PNO1: variants seen among roughly 807,000 people sequenced by gnomAD.
PNO1 encodes the protein RNA-binding protein PNO1.
Under a neutral mutation model 28.4 loss-of-function variants are expected in PNO1, and 16 were observed. The observed-to-expected ratio is 0.56, with a 90% CI of 0.38 to 0.85. The LOEUF is 0.85. PNO1 is among the 40% of genes least tolerant of loss of function. The probability of loss-of-function intolerance (pLI) is 0.00; values close to 1 mark genes in which losing one functional copy is unlikely to be tolerated. For missense variants in PNO1, 304 were observed against 312.2 expected (o/e 0.97, Z 0.20); for synonymous variants, 115 against 110.8 (o/e 1.04, Z -0.24).
At chr2:68,161,460 C>G in intron 2 of PNO1, 1 of 527,900 alleles carries the variant, frequency 1.9e-6, no homozygotes, top group Non-Finnish European at 3.5e-6. Context: ...TTATTTGACA[C>G]TCTTTGGGTG....
chr2:68,162,805 AATTGAAAAT>A (rs1673871116), intron 5 of PNO1, 142 bp downstream of exon 5: 1 of 663,186 alleles, frequency 1.5e-6, no homozygotes, highest in Admixed American at 2.5e-5. Context: ...ATCCATCATA[AATTGAAAAT>A]ATCATAAGTC....
In PNO1 at chr2:68,162,334, G is replaced by A; in HGVS notation, c.502+9G>A. 2 of 1,598,204 alleles carry A rather than the reference G, an allele frequency of 1.3e-6. No individual in the cohort carries two copies. Among genetic ancestry groups the A allele is most frequent in the South Asian group, 2.2e-5 (2 of 89,656 alleles). On this transcript the variant is annotated intron_variant, in intron 4 of 6. Coordinates refer to ENST00000263657, the MANE Select transcript of PNO1 (RefSeq NM_020143.4). ...TTTTGAAATTACAGATGGTGAGTGT[G>A]TGTTGGTCTGCGCTCTTGTGTCGCT...
intron 4 of PNO1, 59 bp downstream of exon 4, chr2:68,162,384 C>T (rs368721087): frequency 1.0e-4 from 133 of 1,322,820 alleles, no homozygotes; most frequent in Non-Finnish European, 1.4e-4. Context: ...ATGTGACTCT[C>T]AGTTTTCTAA....
chr2:68,164,207 T>C (rs1420935378), intron 5 of PNO1, among the ~76,000 whole-genome samples: 1 of 152,186 alleles, frequency 6.6e-6, no homozygotes, highest in South Asian at 2.1e-4. Flanking sequence ...TTTAAAAATA[T>C]GGCCAAGCAT....
Position 68,162,541 on chromosome 2 carries a change from T to G in PNO1, c.503-5T>G, listed in dbSNP as rs769155887. The G allele has an allele frequency of 6.3e-7, 1 of 1,597,876 alleles. No homozygotes were observed. The highest frequency in any genetic ancestry group is 1.1e-5 in the South Asian group (1 of 90,080). ...GCCTCCTGAGATCTTGCTTTTCTTG[T>G]TTAGTTAAACCCCTAAAGGGAGACC... On this transcript the variant is annotated splice_region_variant and splice_polypyrimidine_tract_variant and intron_variant, in intron 4 of 6. Transcript: ENST00000263657.
In PNO1 at chr2:68,158,125, G is replaced by A. The variant is rs776709849; in HGVS notation, c.191G>A (p.Cys64Tyr). ...PAKRPVFPPL[C>Y]GDGLLSGKEE... ...AAGAGGCCCGTCTTCCCACCCCTCT[G>A]TGGGGACGGGCTCCTGGTATGTGGC... Residue 64 changes from cysteine to tyrosine, a missense_variant, in exon 1 of 7, where the codon TGT (cysteine) becomes TAT (tyrosine). Physicochemically the swap from Cys to Tyr is radical, Grantham distance 194. Coordinates refer to ENST00000263657, the MANE Select transcript of PNO1 (RefSeq NM_020143.4). 7.5e-6 allele frequency: 12 copies of A among 1,602,808 alleles called. No individual in the cohort carries two copies. The African/African-American group carries it at 1.6e-4, about 21-fold the overall frequency.
chr2:68,164,219 G>T (rs1673915953), intron 5 of PNO1, among the ~76,000 whole-genome samples: 1 of 152,238 alleles, frequency 6.6e-6, no homozygotes, highest in Non-Finnish European at 1.5e-5. Flanking sequence ...GCCAAGCATG[G>T]TGGCTCACAT....
intron 1 of PNO1, 28 bp downstream of exon 1, chr2:68,158,169 A>T (rs1232480826): frequency 6.4e-7 from 1 of 1,556,234 alleles, no homozygotes; most frequent in Non-Finnish European, 8.7e-7. Context: ...TAGGACAGCA[A>T]CGAGGCAAGG....
At chr2:68,166,000 A>T (rs1250567336) in intron 5 of PNO1, among the ~76,000 whole-genome samples, 1 of 152,206 alleles carries the variant, frequency 6.6e-6, no homozygotes, top group Non-Finnish European at 1.5e-5. Flanking sequence ...TTTCTGGGAC[A>T]ACCATTGCTC....
chr2:68,160,831 G>T lies in PNO1; in HGVS notation c.358-852G>T, dbSNP rs78471549. On this transcript the variant is annotated intron_variant, in intron 2 of 6. Transcript: ENST00000263657. ...GGTCACATATAGGATTGGAACTAGGGTCTAGTTTTAAATGGGAAAGCTCTG... is the reference window on the plus strand; with the variant it reads ...GGTCACATATAGGATTGGAACTAGGTTCTAGTTTTAAATGGGAAAGCTCTG... Among the ~76,000 whole-genome samples, 145 of 152,298 alleles carry T rather than the reference G, an allele frequency of 9.5e-4. 4 individuals are homozygous for T. The East Asian group carries it at 0.025, about 27-fold the overall frequency.
rs188980407 is a variant in PNO1, at chr2:68,158,048, A to G, written c.114A>G (p.Ala38=). The G allele has an allele frequency of 2.5e-6, 4 of 1,613,936 alleles. No individual in the cohort carries two copies. The highest frequency in any genetic ancestry group is 1.7e-5 in the Admixed American group (1 of 60,002). ...KKRQAEQLSA[A]GEGGDAGRMD... ...GACAGGCTGAACAGCTGTCCGCAGCAGGAGAGGGCGGGGATGCGGGCCGCA... is the reference window on the plus strand; with the variant it reads ...GACAGGCTGAACAGCTGTCCGCAGCGGGAGAGGGCGGGGATGCGGGCCGCA... The change falls in exon 1 of 7, where the codon GCA becomes GCG. Residue 38 remains alanine, a synonymous_variant. Coordinates refer to ENST00000263657, the MANE Select transcript of PNO1 (RefSeq NM_020143.4).
intron 5 of PNO1, among the ~76,000 whole-genome samples, chr2:68,172,419 G>C (rs893856600): frequency 2.0e-5 from 3 of 152,224 alleles, no homozygotes; most frequent in Non-Finnish European, 4.4e-5. Context: ...GTTGAAGCCA[G>C]AAGGTGAAGG....
rs374761757 is a variant in PNO1, at chr2:68,173,861, G to A, written c.691+444G>A. Among the ~76,000 whole-genome samples the A allele has an allele frequency of 9.6e-4, 146 of 152,234 alleles. 2 individuals are homozygous for A. In the South Asian group the frequency reaches 0.025, roughly 26 times the overall value. Reference sequence around the variant, plus strand: ...CTCCCAAAGTGCTGGGATTACAGGCGTGAGCCACCACGCCCAGCCAGAAGT... The same window carrying A: ...CTCCCAAAGTGCTGGGATTACAGGCATGAGCCACCACGCCCAGCCAGAAGT... On this transcript the variant is annotated intron_variant, in intron 6 of 6. Coordinates refer to ENST00000263657, the MANE Select transcript of PNO1 (RefSeq NM_020143.4).
rs1243225899 is a variant in PNO1 at position 68,174,796 on chromosome 2, A to C, written c.753A>C (p.Arg251=). Residue 251 remains arginine (R), a synonymous_variant, in exon 7 of 7, where the codon CGA becomes CGC. Transcript: ENST00000263657. ...IRAVASRSAD[R]F ...CTGTGGCTAGCAGATCAGCAGATCG[A>C]TTCTGATTTCAAGTCAGAGACTTTT... 3 of 1,601,502 alleles carry C rather than the reference A, an allele frequency of 1.9e-6. No homozygotes were observed. In the South Asian group the frequency reaches 3.3e-5, roughly 18 times the overall value.
At chr2:68,174,621 G>C (rs947917224) in intron 6 of PNO1, 114 bp from the exon 7 acceptor site, 1 of 623,776 alleles carries the variant, frequency 1.6e-6, no homozygotes, top group African/African-American at 1.8e-5. Context: ...AGCATCCAAG[G>C]ATTGTGGTGT....
At chr2:68,160,753 C>T (rs1488413823) in intron 2 of PNO1, among the ~76,000 whole-genome samples, 1 of 152,210 alleles carries the variant, frequency 6.6e-6, no homozygotes, top group East Asian at 1.9e-4. Flanking sequence ...CTGACCTCCT[C>T]ATTTTACTGA....
At chr2:68,162,990 A>G (rs1283253616) in intron 5 of PNO1, among the ~76,000 whole-genome samples, 1 of 152,122 alleles carries the variant, frequency 6.6e-6, no homozygotes, top group Non-Finnish European at 1.5e-5. Context: ...AAAATGAAAA[A>G]CAGAATGGTT....
At chr2:68,166,894 G>C (rs1222754103) in intron 5 of PNO1, among the ~76,000 whole-genome samples, 1 of 152,128 alleles carries the variant, frequency 6.6e-6, no homozygotes, top group Non-Finnish European at 1.5e-5. Flanking sequence ...GTGTCTGTTA[G>C]CTCTTGATTT....
chr2:68,169,444 G>T (rs1209001528), intron 5 of PNO1, among the ~76,000 whole-genome samples: 1 of 152,210 alleles, frequency 6.6e-6, no homozygotes, highest in Non-Finnish European at 1.5e-5. Flanking sequence ...GCTTATGGGA[G>T]ATAATCAGCA....
Sources: gnomAD v4.1 joint callset for allele counts (sites outside exome capture counted in the v4.1 genomes callset) on GRCh38, gnomAD v4.1.1 for gene constraint, MANE v1.5 for transcripts, NCBI Gene and HGNC (gene_info 2026-07-23, HGNC 2026-07-21) for gene names.